Variants in AASS observed in about 807,000 individuals in gnomAD.
AASS encodes the protein alpha-aminoadipic semialdehyde synthase, mitochondrial.
AASS carries 86 observed loss-of-function variants against 105.4 expected under a neutral mutation model. That is an observed-to-expected ratio of 0.82 (90% CI 0.69 to 0.98). The LOEUF is 0.98. Ranked by LOEUF, AASS falls within the 50% of genes least tolerant of loss-of-function variation. The probability of loss-of-function intolerance (pLI) is 0.00; values close to 1 mark genes in which losing one functional copy is unlikely to be tolerated. For synonymous variants in AASS, 381 were observed against 394.8 expected, an observed-to-expected ratio of 0.96 and a Z score of 0.41; for missense variants, 1,048 against 1,143.2, an observed-to-expected ratio of 0.92 and a Z score of 1.20.
chr7:122,131,203 T>C (rs1195084884), intron 2 of AASS, among the ~76,000 whole-genome samples: 2 of 151,682 alleles, frequency 1.3e-5, no homozygotes, highest in African/African-American at 2.4e-5. Flanking sequence ...AAAGCAAACA[T>C]TAAAACTGAA....
intron 11 of AASS, among the ~76,000 whole-genome samples, chr7:122,107,165 T>C (rs1216627684): frequency 1.3e-5 from 2 of 152,014 alleles, no homozygotes; most frequent in Non-Finnish European, 2.9e-5. Flanking sequence ...ATTAAAGAAA[T>C]GCAAATCAAA....
At chr7:122,078,058 A>C in intron 22 of AASS, 44 bp from the exon 23 acceptor site, 1 of 1,573,532 alleles carries the variant, frequency 6.4e-7, no homozygotes, top group Non-Finnish European at 8.7e-7. Context: ...TATCATTACA[A>C]CTCAAATATT....
intron 1 of AASS, among the ~76,000 whole-genome samples, chr7:122,136,993 A>G (rs779227706): frequency 6.6e-6 from 1 of 152,226 alleles, no homozygotes; most frequent in Admixed American, 6.5e-5. Flanking sequence ...TTGGAAGACT[A>G]GGGAAAAAGA....
At position 122,076,500 on chromosome 7, in the gene AASS, T is replaced by C. The variant is rs1793016239; in HGVS notation, c.2770A>G (p.Ile924Val). ...EGIIYTTQST[I>V]KP ...AATATAATTCCCAATTATGGTTTAA[T>C]TGTACTCTGTGTAGTATATATAATG... Residue 924 changes from isoleucine to valine, a missense_variant, in exon 24 of 24, where the codon ATT (isoleucine) becomes GTT (valine). Ile to Val is a conservative substitution (Grantham distance 29, BLOSUM62 3). Transcript: ENST00000417368. 2.5e-6 allele frequency: 4 copies of C among 1,608,530 alleles called. No individual in the cohort carries two copies. Among genetic ancestry groups the C allele is most frequent in the East Asian group, 2.2e-5 (1 of 44,838 alleles).
chr7:122,129,137 C>T (rs2150549917), intron 3 of AASS, among the ~76,000 whole-genome samples: 1 of 152,154 alleles, frequency 6.6e-6, no homozygotes, highest in African/African-American at 2.4e-5. Context: ...AGGTTATTTT[C>T]AGTTCTAAAA....
intron 1 of AASS, among the ~76,000 whole-genome samples, chr7:122,135,779 C>T (rs751005864): frequency 3.9e-5 from 6 of 151,962 alleles, no homozygotes; most frequent in African/African-American, 9.7e-5. Flanking sequence ...GCGTAGAATA[C>T]GGTGGAAATA....
At position 122,098,808 on chromosome 7, in the gene AASS, C is replaced by G; in HGVS notation, c.1465G>C (p.Gly489Arg). Reference protein sequence around the residue: ...TRRKVLVLGSGYISEPVLEYL... With the variant: ...TRRKVLVLGSRYISEPVLEYL... ...TCTAATACAGGCTCAGATATGTAGC[C>G]AGATCCAAGAACCAAAACCTTTCTC... Residue 489 changes from glycine to arginine, a missense_variant, in exon 14 of 24, where the codon GGC becomes CGC. By Grantham distance (125) the Gly-to-Arg change is moderately radical (BLOSUM62 -2). Transcript: ENST00000417368. 6.2e-7 allele frequency: 1 copy of G among 1,600,486 alleles called. No individual in the cohort carries two copies. The highest frequency in any genetic ancestry group is 8.5e-7 in the Non-Finnish European group (1 of 1,175,112).
At position 122,133,579 on chromosome 7, in the gene AASS, T is replaced by C. The variant is rs751795969; in HGVS notation, c.148A>G (p.Ile50Val). 6 of 1,614,110 alleles carry C rather than the reference T, an allele frequency of 3.7e-6. No individual in the cohort carries two copies. In the African/African-American group the frequency reaches 8.0e-5, roughly 22 times the overall value. Residue 50 changes from isoleucine to valine, a missense_variant, in exon 2 of 24, where the codon ATC (isoleucine) becomes GTC (valine). Coordinates refer to ENST00000417368, the MANE Select transcript of AASS (RefSeq NM_005763.4). ...APLAPKHIKG[I>V]TNLGYKVLIQ... ...AAGACCTTGTATCCCAGATTGGTGATGCCTTTGATGTGCTTGGGAGCTAGC... is the reference window on the plus strand; with the variant it reads ...AAGACCTTGTATCCCAGATTGGTGACGCCTTTGATGTGCTTGGGAGCTAGC...
At chr7:122,076,853 A>C (rs1793036826) in intron 23 of AASS, among the ~76,000 whole-genome samples, 1 of 152,236 alleles carries the variant, frequency 6.6e-6, no homozygotes. Flanking sequence ...GAACTTGTAC[A>C]CTTAACTGCA....
chr7:122,092,075 G>C (rs1294120143), intron 17 of AASS, among the ~76,000 whole-genome samples: 1 of 151,456 alleles, frequency 6.6e-6, no homozygotes, highest in African/African-American at 2.4e-5. Flanking sequence ...CTAACATTTT[G>C]TTCAGTTAAA....
At chr7:122,099,043 T>A (rs191230210) in intron 13 of AASS, among the ~76,000 whole-genome samples, 177 bp from the exon 14 acceptor site, 1 of 151,828 alleles carries the variant, frequency 6.6e-6, no homozygotes, top group Non-Finnish European at 1.5e-5. Context: ...TATAACAACA[T>A]GTTTCTTTAA....
At chr7:122,099,723 G>T (rs1584842706) in intron 13 of AASS, among the ~76,000 whole-genome samples, 1 of 151,580 alleles carries the variant, frequency 6.6e-6, no homozygotes, top group South Asian at 2.1e-4. Flanking sequence ...GAATCTTTAG[G>T]CCATAATGTC....
intron 4 of AASS, 144 bp from the exon 5 acceptor site, chr7:122,118,774 T>A: frequency 1.2e-6 from 1 of 830,096 alleles, no homozygotes; most frequent in Admixed American, 2.0e-5. Context: ...GTAGATTGTA[T>A]CCATCCTCTC....
chr7:122,125,039 C>T (rs950064439), intron 4 of AASS, among the ~76,000 whole-genome samples: 14 of 152,056 alleles, frequency 9.2e-5, no homozygotes, highest in African/African-American at 3.4e-4. Flanking sequence ...TCTCATGCCT[C>T]AACCTTCTGA....
At chr7:122,119,680 TAAC>T (rs1278607081) in intron 4 of AASS, among the ~76,000 whole-genome samples, 2 of 152,196 alleles carry the variant, frequency 1.3e-5, no homozygotes, top group African/African-American at 4.8e-5. Context: ...TGGTAACTGT[TAAC>T]AAATATACAC....
At chr7:122,125,940 T>G (rs1795638286) in intron 4 of AASS, among the ~76,000 whole-genome samples, 1 of 152,214 alleles carries the variant, frequency 6.6e-6, no homozygotes, top group Non-Finnish European at 1.5e-5. Flanking sequence ...CTGCAAGTAG[T>G]CTGATCTGAA....
At chr7:122,129,623 C>A (rs1019719132) in intron 2 of AASS, 86 bp from the exon 3 acceptor site, 1 of 1,243,774 alleles carries the variant, frequency 8.0e-7, no homozygotes, top group South Asian at 1.2e-5. Flanking sequence ...AAAGGCACAA[C>A]AAATCTTTTG....
chr7:122,094,457 T>C (rs1794050150), intron 15 of AASS, among the ~76,000 whole-genome samples: 2 of 152,148 alleles, frequency 1.3e-5, no homozygotes, highest in Admixed American at 6.6e-5. Flanking sequence ...CAGAGTTAAT[T>C]TGACAAGTAC....
chr7:122,117,638 CTATTTATT>C lies in AASS; in HGVS notation c.687+661_687+668del, dbSNP rs751868427. Among the ~76,000 whole-genome samples the C allele has an allele frequency of 2.2e-4, 33 of 150,038 alleles. No homozygotes were observed. In the East Asian group the frequency reaches 3.5e-3, roughly 16 times the overall value. On this transcript the variant is annotated intron_variant, in intron 6 of 23. Coordinates refer to ENST00000417368, the MANE Select transcript of AASS (RefSeq NM_005763.4). Reference sequence around the variant, plus strand: ...TGAATTATCTTATTTATTTATTTATCTATTTATTTATTTATTTATTTATTTATTTTATT... The same window carrying C: ...TGAATTATCTTATTTATTTATTTATCTATTTATTTATTTATTTATTTTATT...
Sources: allele counts gnomAD v4.1 joint callset (sites outside exome capture counted in the v4.1 genomes callset), GRCh38; gene constraint gnomAD v4.1.1; transcripts MANE v1.5; gene names NCBI Gene and HGNC (gene_info 2026-07-23, HGNC 2026-07-21).